GRAMD1B: variants seen among roughly 807,000 people sequenced by gnomAD.
The protein encoded by GRAMD1B is protein Aster-B.
GRAMD1B carries 37 observed loss-of-function variants against 99.7 expected under a neutral mutation model. The ratio of observed to expected loss-of-function variants is 0.37; its 90% CI spans 0.29 to 0.49. GRAMD1B has a LOEUF of 0.49. GRAMD1B is among the 20% of genes least tolerant of loss of function. The pLI, the probability that GRAMD1B is intolerant of heterozygous loss-of-function variation, is 0.98. For missense variants in GRAMD1B, 888 were observed against 1,009.2 expected, an observed-to-expected ratio of 0.88 and a Z score of 1.63; for synonymous variants, 427 against 387.6, an observed-to-expected ratio of 1.10 and a Z score of -1.19.
chr11:123,610,460 C>G lies in GRAMD1B; in HGVS notation c.1919+122C>G. ...TTGGCTGCTGACTCTCTTTATTCTA[C>G]TTTCTCTCCGAAGCCTTATGAGGCT... On this transcript the variant is annotated intron_variant, in intron 14 of 19. Coordinates refer to ENST00000635736, the MANE Select transcript of GRAMD1B (RefSeq NM_001387025.1). The surrounding 1 kb of genome is among the most constrained non-coding windows in gnomAD (Gnocchi z 4.1). 1 of 942,392 alleles carries G rather than the reference C, an allele frequency of 1.1e-6. No individual in the cohort carries two copies. Among genetic ancestry groups the G allele is most frequent in the Non-Finnish European group, 1.7e-6 (1 of 600,984 alleles). 58.4% of individuals were successfully genotyped at this position (942,392 alleles called of 1,614,324 possible).
intron 11 of GRAMD1B, among the ~76,000 whole-genome samples, 155 bp downstream of exon 11, chr11:123,606,953 C>A (rs1315522558): frequency 6.6e-5 from 10 of 152,158 alleles, no homozygotes; most frequent in Admixed American, 6.5e-4. Flanking sequence ...TAGTTTACAT[C>A]CCTGTTTTCA....
chr11:123,544,593 C>T (rs1944880296), intron 2 of GRAMD1B, among the ~76,000 whole-genome samples: 1 of 152,248 alleles, frequency 6.6e-6, no homozygotes, highest in Non-Finnish European at 1.5e-5. Context: ...TGCTAACTCT[C>T]CCTGGGAGGA....
chr11:123,580,571 T>C (rs756379275), intron 3 of GRAMD1B, among the ~76,000 whole-genome samples: 24 of 152,196 alleles, frequency 1.6e-4, no homozygotes, highest in Non-Finnish European at 3.1e-4. Flanking sequence ...GTTTCCTCAT[T>C]TGCTACTATG....
intron 12 of GRAMD1B, 111 bp from the exon 13 acceptor site, chr11:123,609,684 G>A (rs1186392094): frequency 1.4e-5 from 9 of 649,732 alleles, no homozygotes; most frequent in Non-Finnish European, 1.9e-5. Flanking sequence ...CTTCCTTTTG[G>A]GGGCCAGGCA....
chr11:123,577,281 C>A, intron 2 of GRAMD1B, 86 bp from the exon 3 acceptor site: 1 of 1,164,812 alleles, frequency 8.6e-7, no homozygotes, highest in South Asian at 1.4e-5. Flanking sequence ...CTCCTTTGGG[C>A]TTGTCCTTGG....
chr11:123,491,309 A>G (rs190918316), intron 2 of GRAMD1B, among the ~76,000 whole-genome samples: 1 of 152,156 alleles, frequency 6.6e-6, no homozygotes, highest in Non-Finnish European at 1.5e-5. Flanking sequence ...ATTCTGTTCC[A>G]GAAATATGTC....
At chr11:123,434,253 A>T (rs1949056334) in intron 1 of GRAMD1B, among the ~76,000 whole-genome samples, 1 of 143,770 alleles carries the variant, frequency 7.0e-6, no homozygotes, top group Admixed American at 7.2e-5. Context: ...AAAAAAAAAA[A>T]ACCACCACCA....
At chr11:123,603,284 G>A (rs1457799433) in intron 8 of GRAMD1B, 142 bp from the exon 9 acceptor site, 1 of 627,974 alleles carries the variant, frequency 1.6e-6, no homozygotes, top group Non-Finnish European at 2.9e-6. Flanking sequence ...AAGGCAGATG[G>A]GGGTGGTGGC....
In GRAMD1B at chr11:123,374,069, A is replaced by G. The variant is rs567616351; in HGVS notation, c.-176+15270A>G. Among the ~76,000 whole-genome samples, 381 of 152,306 alleles carry G rather than the reference A, an allele frequency of 2.5e-3. 1 individual carries two copies. Among genetic ancestry groups the G allele is most frequent in the Non-Finnish European group, 4.5e-3 (305 of 68,028 alleles). The stretch of plus-strand genomic sequence containing the variant: ...ATGCGGTAGGTGTTTCAATATATCA[A>G]TGGTACCTATGGTTTGATTATTTTC... On this transcript the variant is annotated intron_variant, in intron 1 of 20. Transcript: ENST00000638157.
chr11:123,563,757 CT>C (rs1357162615), intron 2 of GRAMD1B, among the ~76,000 whole-genome samples: 1 of 152,050 alleles, frequency 6.6e-6, no homozygotes, highest in African/African-American at 2.4e-5. Flanking sequence ...TGGGCTTTTT[CT>C]TTTTAAAATC....
rs1033839228 is a variant in GRAMD1B at position 123,430,878 on chromosome 11, T to G, written c.86T>G (p.Val29Gly). The G allele has an allele frequency of 4.3e-6, 3 of 702,122 alleles. No individual in the cohort carries two copies. Among genetic ancestry groups the G allele is most frequent in the Non-Finnish European group, 5.2e-6 (2 of 384,750 alleles). The allele number at this position is 702,122 out of a possible 1,614,324, so 43.5% of individuals were successfully genotyped here. ...EPQGAPEGSP[V>G]WSSSSTPTLR... The stretch of plus-strand genomic sequence containing the variant: ...CAGGGTGCGCCCGAGGGCAGCCCGG[T>G]CTGGTCCAGTTCGTCGACCCCCACG... Residue 29 changes from valine to glycine, a missense_variant, in exon 1 of 20, where the codon GTC becomes GGC. Coordinates refer to ENST00000635736, the MANE Select transcript of GRAMD1B (RefSeq NM_001387025.1).
In GRAMD1B at chr11:123,506,507, GAA is replaced by G. The variant is rs369632318; in HGVS notation, c.452+25615_452+25616del. 1.2e-4 allele frequency among the ~76,000 whole-genome samples: 19 copies of G among 152,082 alleles called. No homozygotes were observed. In the East Asian group the frequency reaches 3.1e-3, roughly 25 times the overall value. ...AGTAGAGATAATTGCCCTAGAGAGA[GAA>G]TGATATTATAAAGAGGCATTTCTTT... On this transcript the variant is annotated intron_variant, in intron 2 of 19. Transcript: ENST00000635736.
intron 1 of GRAMD1B, among the ~76,000 whole-genome samples, chr11:123,399,590 T>C (rs777479542): frequency 2.0e-5 from 3 of 150,180 alleles, no homozygotes; most frequent in Non-Finnish European, 3.0e-5. Context: ...ATCCTTACCA[T>C]ACCAACACTT....
rs1486210712 is a variant in GRAMD1B at position 123,559,440 on chromosome 11, G to T, written c.453-17927G>T. Reference sequence around the variant, plus strand: ...CTCAGTTTCCAGATCCACTAAACAGGTCAGTATTTAGGTGATTGTGGTGGG... The same window carrying T: ...CTCAGTTTCCAGATCCACTAAACAGTTCAGTATTTAGGTGATTGTGGTGGG... On this transcript the variant is annotated intron_variant, in intron 2 of 19. Coordinates refer to ENST00000635736, the MANE Select transcript of GRAMD1B (RefSeq NM_001387025.1). Among the ~76,000 whole-genome samples the T allele has an allele frequency of 2.0e-5, 3 of 152,134 alleles. 1 individual carries two copies. The highest frequency in any genetic ancestry group is 4.4e-5 in the Non-Finnish European group (3 of 68,026).
chr11:123,603,447 T>G lies in GRAMD1B; in HGVS notation c.1072T>G (p.Trp358Gly). 1 of 1,611,916 alleles carries G rather than the reference T, an allele frequency of 6.2e-7. No individual in the cohort carries two copies. The highest frequency in any genetic ancestry group is 8.5e-7 in the Non-Finnish European group (1 of 1,177,946). ...GAAGCCTCTGTGTCCCAAGGAGCTCTGGCACTTTGTTCACCAGTGCTATGG... is the reference window on the plus strand; with the variant it reads ...GAAGCCTCTGTGTCCCAAGGAGCTCGGGCACTTTGTTCACCAGTGCTATGG... ...LEKPLCPKEL[W>G]HFVHQCYGNE... The change falls in exon 9 of 20, where the codon TGG (tryptophan) becomes GGG (glycine). Residue 358 changes from tryptophan (W) to glycine (G), a missense_variant. Trp to Gly is a radical substitution (Grantham distance 184). This residue lies in a region of GRAMD1B where 269 missense variants were observed against 296.6 expected (regional missense o/e 0.91). Transcript: ENST00000635736.
At chr11:123,401,682 A>T (rs1947667727) in intron 1 of GRAMD1B, among the ~76,000 whole-genome samples, 1 of 152,182 alleles carries the variant, frequency 6.6e-6, no homozygotes. Context: ...GGAAGACGGA[A>T]TTGAGAGCCT....
chr11:123,601,219 C>T (rs1951915027), intron 8 of GRAMD1B, among the ~76,000 whole-genome samples: 1 of 152,048 alleles, frequency 6.6e-6, no homozygotes. Flanking sequence ...CCCCAGATGC[C>T]ACAACTTAAA....
At chr11:123,488,379 T>C (rs950411240) in intron 2 of GRAMD1B, among the ~76,000 whole-genome samples, 11 of 151,870 alleles carry the variant, frequency 7.2e-5, no homozygotes, top group African/African-American at 2.4e-4. Context: ...GATGGATACC[T>C]CCCCCCGGAG....
chr11:123,538,624 A>T (rs1944197097), intron 2 of GRAMD1B, among the ~76,000 whole-genome samples: 1 of 150,754 alleles, frequency 6.6e-6, no homozygotes, highest in Admixed American at 6.6e-5. Flanking sequence ...ATTTTATTTT[A>T]TTTTATTTTT....
Sources: allele counts gnomAD v4.1 joint callset (sites outside exome capture counted in the v4.1 genomes callset), GRCh38; gene constraint gnomAD v4.1.1; regional missense constraint gnomAD v4.1.1; non-coding constraint Gnocchi (gnomAD v3.1); transcripts MANE v1.5; gene names NCBI Gene and HGNC (gene_info 2026-07-23, HGNC 2026-07-21).